Variants in CPQ observed in about 807,000 individuals in gnomAD.
CPQ encodes carboxypeptidase Q.
CPQ carries 37 observed loss-of-function variants against 45.7 expected under a neutral mutation model. The ratio of observed to expected loss-of-function variants is 0.81; its 90% CI spans 0.62 to 1.07. The LOEUF is 1.07. Ranked by LOEUF, CPQ falls within the 50% of genes least tolerant of loss-of-function variation. CPQ has a pLI of 0.00. For missense variants in CPQ, 537 were observed against 572.9 expected, an observed-to-expected ratio of 0.94 and a Z score of 0.64; for synonymous variants, 186 against 205.8, an observed-to-expected ratio of 0.90 and a Z score of 0.82.
chr8:97,011,172 G>C (rs546267281), intron 5 of CPQ, among the ~76,000 whole-genome samples: 3 of 152,306 alleles, frequency 2.0e-5, no homozygotes, highest in Non-Finnish European at 4.4e-5. Context: ...TGACATTCCT[G>C]TTGATATAAA....
intron 1 of CPQ, among the ~76,000 whole-genome samples, chr8:96,702,663 G>A (rs918745380): frequency 2.0e-5 from 3 of 152,110 alleles, no homozygotes; most frequent in African/African-American, 7.2e-5. Context: ...ACTGAGACAT[G>A]GAGCCATTAA....
intron 7 of CPQ, among the ~76,000 whole-genome samples, chr8:97,126,597 T>A (rs1321203079): frequency 6.6e-6 from 1 of 152,158 alleles, no homozygotes; most frequent in Non-Finnish European, 1.5e-5. Flanking sequence ...AAATTAAAGT[T>A]TATGTCTGTA....
At chr8:96,928,347 A>G (rs1220834934) in intron 4 of CPQ, among the ~76,000 whole-genome samples, 2 of 151,106 alleles carry the variant, frequency 1.3e-5, no homozygotes, top group Non-Finnish European at 2.9e-5. Flanking sequence ...TTAAGGGGTT[A>G]TCGTTCCTTT....
intron 1 of CPQ, among the ~76,000 whole-genome samples, chr8:96,741,006 A>T (rs1411790756): frequency 6.6e-6 from 1 of 152,210 alleles, no homozygotes; most frequent in Non-Finnish European, 1.5e-5. Context: ...GTTAGGAAGG[A>T]TTCCCTCTTT....
At position 96,835,074 on chromosome 8, in the gene CPQ, A is replaced by G. The variant is rs747685101; in HGVS notation, c.535A>G (p.Asn179Asp). ...TGTTGTTTATAACCAACCTTACATC[A>G]ACTACTCAAGGACGGTGCAATACCG... ...KIVVYNQPYI[N>D]YSRTVQYRTQ... The change falls in exon 3 of 8, where the codon AAC becomes GAC. Residue 179 changes from asparagine to aspartate, a missense_variant. Transcript: ENST00000220763. 4 of 1,613,386 alleles carry G rather than the reference A, an allele frequency of 2.5e-6. No homozygotes were observed.
At chr8:96,951,545 G>C (rs958303815) in intron 4 of CPQ, among the ~76,000 whole-genome samples, 2 of 152,050 alleles carry the variant, frequency 1.3e-5, no homozygotes, top group African/African-American at 4.8e-5. Context: ...GAGAGGTTTT[G>C]TATATGATTG....
At chr8:97,137,596 C>T (rs1812082364) in intron 7 of CPQ, among the ~76,000 whole-genome samples, 1 of 152,194 alleles carries the variant, frequency 6.6e-6, no homozygotes, top group African/African-American at 2.4e-5. Flanking sequence ...AGTAAACATA[C>T]AGATTTGTCT....
At chr8:96,755,290 TATG>T (rs1211304712) in intron 1 of CPQ, among the ~76,000 whole-genome samples, 1 of 152,008 alleles carries the variant, frequency 6.6e-6, no homozygotes, top group African/African-American at 2.4e-5. Context: ...TAACCACAAT[TATG>T]ATGTTCTTGT....
chr8:97,026,047 T>C (rs1001615361), intron 5 of CPQ, among the ~76,000 whole-genome samples: 1 of 152,178 alleles, frequency 6.6e-6, no homozygotes, highest in Non-Finnish European at 1.5e-5. Context: ...TTAGATAAAA[T>C]CTGTGTTTTC....
chr8:96,839,198 G>A (rs955942687), intron 3 of CPQ, among the ~76,000 whole-genome samples: 1 of 152,054 alleles, frequency 6.6e-6, no homozygotes, highest in African/African-American at 2.4e-5. Context: ...ACTTTGTGGT[G>A]TAATCATCAA....
Position 96,785,094 on chromosome 8 carries a change from G to T in CPQ, c.197G>T (p.Arg66Leu). ...YGKAQNRSYE[R>L]LALLVDTVGP... Reference sequence around the variant, plus strand: ...AAAGCCCAGAACAGATCCTATGAGCGATTGGCACTTCTGGTTGATACTGTT... The same window carrying T: ...AAAGCCCAGAACAGATCCTATGAGCTATTGGCACTTCTGGTTGATACTGTT... The change falls in exon 2 of 8, where the codon CGA becomes CTA. Residue 66 changes from arginine to leucine, a missense_variant. Transcript: ENST00000220763. 6.2e-7 allele frequency: 1 copy of T among 1,613,760 alleles called. No individual in the cohort carries two copies. The highest frequency in any genetic ancestry group is 1.1e-5 in the South Asian group (1 of 91,068).
At chr8:96,738,771 C>G (rs1348225010) in intron 1 of CPQ, among the ~76,000 whole-genome samples, 1 of 152,130 alleles carries the variant, frequency 6.6e-6, no homozygotes, top group Non-Finnish European at 1.5e-5. Flanking sequence ...TCATCCGTGT[C>G]CCTACAAAGG....
chr8:96,841,954 A>G (rs1376862660), intron 3 of CPQ, among the ~76,000 whole-genome samples: 1 of 152,224 alleles, frequency 6.6e-6, no homozygotes, highest in African/African-American at 2.4e-5. Flanking sequence ...TGGGTGGGCT[A>G]CATCATAGAG....
At chr8:97,067,296 A>C (rs1810656078) in intron 7 of CPQ, among the ~76,000 whole-genome samples, 1 of 152,120 alleles carries the variant, frequency 6.6e-6, no homozygotes, top group Non-Finnish European at 1.5e-5. Flanking sequence ...CCATTGAAAA[A>C]GTTTACTGAT....
At chr8:96,844,477 A>G (rs971732300) in intron 3 of CPQ, among the ~76,000 whole-genome samples, 1 of 152,196 alleles carries the variant, frequency 6.6e-6, no homozygotes, top group Non-Finnish European at 1.5e-5. Context: ...TGGCTCTCCC[A>G]TTTAGATGCT....
At chr8:96,986,497 A>T (rs2130396906) in intron 5 of CPQ, among the ~76,000 whole-genome samples, 1 of 152,162 alleles carries the variant, frequency 6.6e-6, no homozygotes, top group East Asian at 1.9e-4. Context: ...GTTTTCCCTT[A>T]TTCCCACTCT....
At chr8:97,141,169 A>G (rs1812153813) in intron 7 of CPQ, among the ~76,000 whole-genome samples, 1 of 152,144 alleles carries the variant, frequency 6.6e-6, no homozygotes, top group Non-Finnish European at 1.5e-5. Context: ...TATGGATCTT[A>G]CAGGAAAATA....
intron 2 of CPQ, among the ~76,000 whole-genome samples, chr8:96,804,760 A>G (rs1811057206): frequency 1.3e-5 from 2 of 152,004 alleles, no homozygotes; most frequent in Non-Finnish European, 2.9e-5. Flanking sequence ...GATTCAAAGG[A>G]CATTAAAGCA....
chr8:97,137,177 A>C (rs1422575344), intron 7 of CPQ, among the ~76,000 whole-genome samples: 1 of 152,246 alleles, frequency 6.6e-6, no homozygotes, highest in Non-Finnish European at 1.5e-5. Context: ...CTAGTTCTAA[A>C]GGAAGGCAGC....
Sources: gnomAD v4.1 joint callset for allele counts (sites outside exome capture counted in the v4.1 genomes callset) on GRCh38, gnomAD v4.1.1 for gene constraint, MANE v1.5 for transcripts, NCBI Gene and HGNC (gene_info 2026-07-23, HGNC 2026-07-21) for gene names.